Variants in LPAR1 observed in about 807,000 individuals in gnomAD.
LPAR1 encodes the protein LPA receptor 1.
Under a neutral mutation model 23.8 loss-of-function variants are expected in LPAR1, and 5 were observed. That is an observed-to-expected ratio of 0.21 (90% CI 0.11 to 0.44). The LOEUF (loss-of-function observed/expected upper bound fraction) is 0.44, where lower values mean the gene tolerates loss of function less well. Among genes scored for constraint, LPAR1 ranks in the 20% least tolerant of loss-of-function variants. LPAR1 has a pLI of 0.99. For missense variants in LPAR1, 311 were observed against 482.8 expected, an observed-to-expected ratio of 0.64 and a Z score of 3.33; for synonymous variants, 160 against 164.7, an observed-to-expected ratio of 0.97 and a Z score of 0.22.
intron 5 of LPAR1, among the ~76,000 whole-genome samples, chr9:110,890,572 C>T (rs1194765728): frequency 6.6e-6 from 1 of 152,166 alleles, no homozygotes; most frequent in Non-Finnish European, 1.5e-5. Context: ...TTAACTGTTC[C>T]ATGAATTCCA....
chr9:110,962,873 G>A (rs2137473854), intron 4 of LPAR1, among the ~76,000 whole-genome samples: 1 of 152,200 alleles, frequency 6.6e-6, no homozygotes, highest in Non-Finnish European at 1.5e-5. Flanking sequence ...TTAAGGCAAG[G>A]TACAGATCTT....
At chr9:110,997,179 AAG>A (rs1359567385) in intron 2 of LPAR1, among the ~76,000 whole-genome samples, 111 of 152,338 alleles carry the variant, frequency 7.3e-4, no homozygotes, top group Admixed American at 7.2e-3. Context: ...CAAGCTGGGA[AAG>A]AGTCAATCAA....
At chr9:110,965,665 C>A (rs1266984093) in intron 4 of LPAR1, among the ~76,000 whole-genome samples, 1 of 152,204 alleles carries the variant, frequency 6.6e-6, no homozygotes, top group African/African-American at 2.4e-5. Flanking sequence ...CACCTTTACA[C>A]TGTTGGTGGG....
chr9:111,003,758 T>C (rs1405985189), intron 2 of LPAR1, among the ~76,000 whole-genome samples: 1 of 152,128 alleles, frequency 6.6e-6, no homozygotes, highest in Non-Finnish European at 1.5e-5. Context: ...AACCATTCTT[T>C]GTGGGAGTTA....
intron 4 of LPAR1, among the ~76,000 whole-genome samples, chr9:110,971,007 C>T (rs192035139): frequency 2.9e-4 from 44 of 152,122 alleles, no homozygotes; most frequent in Admixed American, 2.3e-3. Context: ...TGGTGGCGGG[C>T]GCCTGTAATC....
chr9:110,962,647 T>C (rs1465201963), intron 4 of LPAR1, among the ~76,000 whole-genome samples: 1 of 152,200 alleles, frequency 6.6e-6, no homozygotes, highest in Non-Finnish European at 1.5e-5. Flanking sequence ...ATATGCTCCA[T>C]GGCCCTCTAA....
intron 4 of LPAR1, among the ~76,000 whole-genome samples, chr9:110,942,816 G>A (rs191323615): frequency 6.6e-6 from 1 of 152,184 alleles, no homozygotes; most frequent in East Asian, 1.9e-4. Flanking sequence ...ACCAATCTAT[G>A]ACATTTGAGA....
At chr9:110,938,021 C>T (rs551963038) in intron 5 of LPAR1, among the ~76,000 whole-genome samples, 2 of 152,272 alleles carry the variant, frequency 1.3e-5, no homozygotes, top group African/African-American at 4.8e-5. Flanking sequence ...GAATTCACTA[C>T]GGCTCTGGTC....
Position 110,968,296 on chromosome 9 carries a change from C to A in LPAR1, c.45+3777G>T, listed in dbSNP as rs138291774. ...GCTGCTGGCATGAAGTCAATTGGCT[C>A]GCGAAATTCCTGAAAATTTAACAAT... On this transcript the variant is annotated intron_variant, in intron 4 of 5. Coordinates refer to ENST00000683809, the MANE Select transcript of LPAR1 (RefSeq NM_001351411.2). Among the ~76,000 whole-genome samples, 162 of 152,238 alleles carry A rather than the reference C, an allele frequency of 1.1e-3. 1 individual carries two copies. The East Asian group carries it at 0.021, about 20-fold the overall frequency.
intron 5 of LPAR1, among the ~76,000 whole-genome samples, chr9:110,889,969 A>G (rs1438346799): frequency 6.6e-6 from 1 of 152,232 alleles, no homozygotes; most frequent in Non-Finnish European, 1.5e-5. Flanking sequence ...AAAAGCAAAA[A>G]AGAAATTAAA....
chr9:110,952,734 C>T (rs747151936), intron 4 of LPAR1, among the ~76,000 whole-genome samples: 4 of 152,132 alleles, frequency 2.6e-5, no homozygotes, highest in Non-Finnish European at 5.9e-5. Flanking sequence ...GACCACAGCA[C>T]AGCCATTGCC....
At chr9:110,894,859 T>TA (rs146716017) in intron 5 of LPAR1, among the ~76,000 whole-genome samples, 40,064 of 144,042 alleles carry the variant, frequency 0.28, 8,153 homozygotes, top group African/African-American at 0.59. Flanking sequence ...CCAGAAAAAG[T>TA]AAAAAAAAAA....
intron 4 of LPAR1, among the ~76,000 whole-genome samples, chr9:110,969,529 T>C (rs1454047120): frequency 6.6e-6 from 1 of 151,958 alleles, no homozygotes; most frequent in Non-Finnish European, 1.5e-5. Flanking sequence ...CTGGACAACA[T>C]GGTGAAACCC....
rs2085103224 is a variant in LPAR1 at position 110,893,169 on chromosome 9, C to T, written c.794-17447G>A. Reference sequence around the variant, plus strand: ...TACTGTTGATAGAAGAGTCATTTGACCATCTTTTTGAAGGGCAATTTGGCA... The same window carrying T: ...TACTGTTGATAGAAGAGTCATTTGATCATCTTTTTGAAGGGCAATTTGGCA... On this transcript the variant is annotated intron_variant, in intron 5 of 5. Coordinates refer to ENST00000683809, the MANE Select transcript of LPAR1 (RefSeq NM_001351411.2). 2.0e-5 allele frequency among the ~76,000 whole-genome samples: 3 copies of T among 152,166 alleles called. No individual in the cohort carries two copies. The South Asian group carries it at 6.2e-4, about 32-fold the overall frequency.
At chr9:110,947,511 T>C (rs957955773) in intron 4 of LPAR1, among the ~76,000 whole-genome samples, 1 of 152,224 alleles carries the variant, frequency 6.6e-6, no homozygotes, top group Non-Finnish European at 1.5e-5. Flanking sequence ...CCTCACCTTA[T>C]TGTGTGATCT....
intron 2 of LPAR1, among the ~76,000 whole-genome samples, chr9:110,981,294 A>G (rs564976595): frequency 9.9e-5 from 15 of 152,154 alleles, no homozygotes; most frequent in East Asian, 1.9e-4. Flanking sequence ...AGGGAATCCA[A>G]CTGCCTAGGT....
intron 5 of LPAR1, among the ~76,000 whole-genome samples, chr9:110,925,437 T>C (rs1181902966): frequency 6.6e-6 from 1 of 152,180 alleles, no homozygotes; most frequent in Non-Finnish European, 1.5e-5. Flanking sequence ...AGTCTCATAA[T>C]CCTGATAGAT....
chr9:110,904,844 T>A (rs1341256333), intron 5 of LPAR1, among the ~76,000 whole-genome samples: 2 of 152,242 alleles, frequency 1.3e-5, no homozygotes, highest in Non-Finnish European at 2.9e-5. Context: ...ATGATTCAGA[T>A]GTCTTTCAAA....
rs1333390837 is a variant in LPAR1, at chr9:110,977,848, GA to G, written c.-181-4291del. Among the ~76,000 whole-genome samples the G allele has an allele frequency of 4.5e-3, 145 of 32,442 alleles. 3 individuals are homozygous for G. The Middle Eastern group carries it at 0.069, about 15-fold the overall frequency. The allele number at this position is 32,442 out of a possible 152,430, so 21.3% of individuals were successfully genotyped here. ...GGAGGGAGGGAGGGAAGGAAGGAGGGAAGGAAGGAAGGAAGGAAGGAAGGAA... is the reference window on the plus strand; with the variant it reads ...GGAGGGAGGGAGGGAAGGAAGGAGGGAGGAAGGAAGGAAGGAAGGAAGGAA... On this transcript the variant is annotated intron_variant, in intron 2 of 5. Transcript: ENST00000683809.
Sources: allele counts gnomAD v4.1 joint callset (sites outside exome capture counted in the v4.1 genomes callset), GRCh38; gene constraint gnomAD v4.1.1; transcripts MANE v1.5; gene names NCBI Gene and HGNC (gene_info 2026-07-23, HGNC 2026-07-21).